The following ZFAND6 variants were observed in gnomAD, a reference collection of about 807,000 sequenced individuals.
The protein encoded by ZFAND6 is AN1-type zinc finger protein 6.
In ZFAND6, 12 loss-of-function variants were observed where a neutral mutation model predicts 24.5. That is an observed-to-expected ratio of 0.49 (90% CI 0.31 to 0.79). The LOEUF is 0.79. Ranked by LOEUF, ZFAND6 falls within the 30% of genes least tolerant of loss-of-function variation. The pLI is 0.04. For missense variants in ZFAND6, 207 were observed against 245.9 expected (o/e 0.84, Z 1.06); for synonymous variants, 92 against 81.5 (o/e 1.13, Z -0.69).
chr15:80,087,277 C>T (rs908728077), intron 1 of ZFAND6, among the ~76,000 whole-genome samples: 5 of 152,158 alleles, frequency 3.3e-5, no homozygotes, highest in African/African-American at 4.8e-5. Context: ...GCCCACTAGT[C>T]GTGCTTGGGA....
intron 5 of ZFAND6, among the ~76,000 whole-genome samples, chr15:80,128,719 G>C (rs897003869): frequency 1.3e-5 from 2 of 152,206 alleles, no homozygotes; most frequent in Admixed American, 1.3e-4. Context: ...CCACATTTGA[G>C]TTATAGCATA....
chr15:80,121,364 T>G (rs1014795487), intron 3 of ZFAND6, among the ~76,000 whole-genome samples: 1 of 152,230 alleles, frequency 6.6e-6, no homozygotes, highest in Non-Finnish European at 1.5e-5. Flanking sequence ...ATTCTGAACC[T>G]ATATTCTTCA....
intron 2 of ZFAND6, among the ~76,000 whole-genome samples, chr15:80,107,544 G>A (rs1364333030): frequency 6.6e-6 from 1 of 152,062 alleles, no homozygotes; most frequent in East Asian, 1.9e-4. Context: ...GAAAATAGGG[G>A]CTGGGCGCAG....
intron 2 of ZFAND6, among the ~76,000 whole-genome samples, chr15:80,100,205 T>A (rs1567074134): frequency 6.6e-6 from 1 of 152,222 alleles, no homozygotes; most frequent in African/African-American, 2.4e-5. Flanking sequence ...AATTCTTAAT[T>A]TACTGCCATT....
At chr15:80,130,042 T>G (rs1413340655) in intron 5 of ZFAND6, 2 of 152,186 alleles carry the variant, frequency 1.3e-5, no homozygotes, top group Non-Finnish European at 2.9e-5. Context: ...ACCTCTGGGC[T>G]TTATCCTGGG....
chr15:80,101,003 A>G lies in ZFAND6; in HGVS notation c.-18+2425A>G, dbSNP rs551989737. Among the ~76,000 whole-genome samples the G allele has an allele frequency of 2.6e-5, 4 of 152,344 alleles. No homozygotes were observed. The South Asian group carries it at 8.3e-4, about 32-fold the overall frequency. ...TCATCAGTGCTTGCAAATTATTATC[A>G]TTATTAAACCTGTTTGTTCTTTGAG... On this transcript the variant is annotated intron_variant, in intron 2 of 6. Coordinates refer to ENST00000261749, the MANE Select transcript of ZFAND6 (RefSeq NM_019006.4).
chr15:80,105,959 T>C (rs1274181733), intron 2 of ZFAND6, among the ~76,000 whole-genome samples: 1 of 152,228 alleles, frequency 6.6e-6, no homozygotes, highest in East Asian at 1.9e-4. Flanking sequence ...TTTGTGGTTT[T>C]GTGGCTAATA....
chr15:80,066,221 G>A (rs2141791409), intron 1 of ZFAND6, among the ~76,000 whole-genome samples: 1 of 152,018 alleles, frequency 6.6e-6, no homozygotes, highest in Non-Finnish European at 1.5e-5. Flanking sequence ...CTAATTGGAT[G>A]ATCTGAGACT....
chr15:80,121,184 T>A (rs2040130890), intron 3 of ZFAND6, among the ~76,000 whole-genome samples: 1 of 152,192 alleles, frequency 6.6e-6, no homozygotes, highest in Non-Finnish European at 1.5e-5. Flanking sequence ...TATTACTTAG[T>A]TCATTTAATA....
intron 2 of ZFAND6, among the ~76,000 whole-genome samples, chr15:80,105,818 T>C (rs1036772704): frequency 6.6e-6 from 1 of 152,222 alleles, no homozygotes; most frequent in Non-Finnish European, 1.5e-5. Context: ...CCCTACAAGG[T>C]GTGTTACGTT....
chr15:80,081,491 GTATTGTCAAATAACA>G (rs141432848), intron 1 of ZFAND6, among the ~76,000 whole-genome samples: 1,847 of 152,284 alleles, frequency 0.012, 29 homozygotes, highest in African/African-American at 0.042. Flanking sequence ...GCAGAGTACC[GTATTGTCAAATAACA>G]TATTGTCAGA....
At chr15:80,120,805 C>A (rs1438948670) in intron 3 of ZFAND6, 2 of 164,798 alleles carry the variant, frequency 1.2e-5, no homozygotes, top group Admixed American at 1.3e-4. Context: ...ATAAAAGAAC[C>A]TTTGTTCTTT....
Position 80,108,929 on chromosome 15 carries a change from T to C in ZFAND6, c.-18+10351T>C, listed in dbSNP as rs568562944. Among the ~76,000 whole-genome samples the C allele has an allele frequency of 1.5e-4, 23 of 152,150 alleles. No individual in the cohort carries two copies. In the South Asian group the frequency reaches 4.6e-3, roughly 30 times the overall value. Reference sequence around the variant, plus strand: ...TTTTAGTAGAGACAGGATTTCACCATGTTGACTAGGCTGGTCTTGAACTCC... The same window carrying C: ...TTTTAGTAGAGACAGGATTTCACCACGTTGACTAGGCTGGTCTTGAACTCC... On this transcript the variant is annotated intron_variant, in intron 2 of 6. Transcript: ENST00000261749.
At chr15:80,122,431 A>G (rs976824883) in intron 4 of ZFAND6, among the ~76,000 whole-genome samples, 1 of 150,932 alleles carries the variant, frequency 6.6e-6, no homozygotes, top group South Asian at 2.1e-4. Flanking sequence ...TGTCTTTATC[A>G]TGCTAGTTTT....
chr15:80,128,540 CTG>C (rs1261556057), intron 5 of ZFAND6, among the ~76,000 whole-genome samples: 1 of 152,164 alleles, frequency 6.6e-6, no homozygotes, highest in Non-Finnish European at 1.5e-5. Flanking sequence ...CACATAAAAA[CTG>C]AGGAAACAGG....
intron 1 of ZFAND6, among the ~76,000 whole-genome samples, chr15:80,064,535 G>T (rs1052784395): frequency 9.9e-5 from 15 of 151,630 alleles, no homozygotes; most frequent in Non-Finnish European, 1.5e-4. Context: ...ATATTTTTAG[G>T]ATTTAGGATA....
At chr15:80,077,308 TATC>T (rs1313657466) in intron 1 of ZFAND6, among the ~76,000 whole-genome samples, 1 of 152,224 alleles carries the variant, frequency 6.6e-6, no homozygotes, top group African/African-American at 2.4e-5. Context: ...TCAAATATTC[TATC>T]ATCAAAAAAG....
At chr15:80,085,015 G>C (rs1250387703) in intron 1 of ZFAND6, among the ~76,000 whole-genome samples, 1 of 152,166 alleles carries the variant, frequency 6.6e-6, no homozygotes, top group Non-Finnish European at 1.5e-5. Context: ...ACTCCTCACA[G>C]AATCTTTGTT....
chr15:80,127,432 A>G (rs145567220), intron 5 of ZFAND6, among the ~76,000 whole-genome samples: 104 of 152,062 alleles, frequency 6.8e-4, no homozygotes, highest in Non-Finnish European at 1.2e-3. Context: ...TACTAAAAAT[A>G]TGAAACTTAG....
Sources: allele counts gnomAD v4.1 joint callset (sites outside exome capture counted in the v4.1 genomes callset), GRCh38; gene constraint gnomAD v4.1.1; transcripts MANE v1.5; gene names NCBI Gene and HGNC (gene_info 2026-07-23, HGNC 2026-07-21).